EML3: variants seen among roughly 807,000 people sequenced by gnomAD.
The protein encoded by EML3 is EMAP like 3.
A neutral mutation model predicts 106.7 loss-of-function variants in EML3; 53 were observed. The observed-to-expected ratio is 0.50, with a 90% CI of 0.40 to 0.62. The LOEUF is 0.62. Ranked by LOEUF, EML3 falls within the 20% of genes least tolerant of loss-of-function variation. The probability of loss-of-function intolerance (pLI) is 0.00; values close to 1 mark genes in which losing one functional copy is unlikely to be tolerated. For missense variants in EML3, 994 were observed against 1,209.1 expected, an observed-to-expected ratio of 0.82 and a Z score of 2.64; for synonymous variants, 499 against 489.6, an observed-to-expected ratio of 1.02 and a Z score of -0.25.
chr11:62,611,374 GC>G, intron 2 of EML3, 30 bp from the exon 3 acceptor site: 1 of 1,613,496 alleles, frequency 6.2e-7, no homozygotes, highest in Non-Finnish European at 8.5e-7. Flanking sequence ...TTAACCTGAA[GC>G]CCCAGAGGCC....
At chr11:62,609,805 C>T in intron 4 of EML3, 109 bp from the exon 5 acceptor site, 1 of 953,088 alleles carries the variant, frequency 1.0e-6, no homozygotes, top group African/African-American at 1.7e-5. Flanking sequence ...GTCACTTCTG[C>T]AAGCCTGTAG....
chr11:62,611,106 G>C lies in EML3; in HGVS notation c.433C>G (p.Pro145Ala), dbSNP rs372926767. The C allele has an allele frequency of 6.3e-7, 1 of 1,597,030 alleles. No homozygotes were observed. Among genetic ancestry groups the C allele is most frequent in the Non-Finnish European group, 8.5e-7 (1 of 1,177,254 alleles). ...ACCTACGTGTCAGCACGCTGTGGGG[G>C]CTGCAAGGGCCTGAGGATCCCCGGG... The part of the protein sequence containing the change: ...GPPGILRPLQ[P>A]PQRADTPRRN... Residue 145 changes from proline (P) to alanine (A), a missense_variant, in exon 3 of 22, where the codon CCC (proline) becomes GCC (alanine). Transcript: ENST00000394773.
At position 62,605,223 on chromosome 11, in the gene EML3, G is replaced by T; in HGVS notation, c.1915-43C>A. ...GTGAATTCAAGATGATGTCTTTCTA[G>T]TGAGGGAACCAGAGTGAACCCCTTG... On this transcript the variant is annotated intron_variant, in intron 15 of 21. Transcript: ENST00000394773. This position sits in a 1 kb window ranked among gnomAD's most constrained non-coding sequence, Gnocchi z 5.2. 2 of 1,597,208 alleles carry T rather than the reference G, an allele frequency of 1.3e-6. No individual in the cohort carries two copies. The highest frequency in any genetic ancestry group is 1.7e-6 in the Non-Finnish European group (2 of 1,169,630).
rs1329884285 is a variant in EML3 at position 62,607,050 on chromosome 11, C to T, written c.1412G>A (p.Gly471Glu). ...FIPCFVFLPD[G>E]DILTGDSEGN... ...CTCTGAGTCTCCAGTGAGAATGTCT[C>T]CATCCGGAAGGAACACAAAGCAAGG... Residue 471 changes from glycine to glutamate, a missense_variant, in exon 12 of 22, where the codon GGA becomes GAA. Gly to Glu is a moderately conservative substitution (Grantham distance 98). Transcript: ENST00000394773. 1.9e-6 allele frequency: 3 copies of T among 1,614,142 alleles called. No individual in the cohort carries two copies. In the South Asian group the frequency reaches 3.3e-5, roughly 18 times the overall value.
Position 62,608,805 on chromosome 11 carries a change from G to T in EML3, c.930C>A (p.Cys310Ter). The T allele has an allele frequency of 6.4e-7, 1 of 1,570,610 alleles. No homozygotes were observed. Among genetic ancestry groups the T allele is most frequent in the Non-Finnish European group, 8.7e-7 (1 of 1,155,850 alleles). Residue 310 changes from cysteine to a stop codon, truncating the protein, a stop_gained and splice_region_variant, in exon 8 of 22, where the codon TGC becomes TGA. Coordinates refer to ENST00000394773, the MANE Select transcript of EML3 (RefSeq NM_153265.3). LOFTEE classifies it high-confidence loss of function. ...HYRGHTDCVR[C>*]LAVHPDGVRV... ...GAACACCATCAGGGTGAACAGCAAG[G>T]CTAAGGCAGGGGGAAGACACTCTAG...
chr11:62,607,933 G>A, intron 10 of EML3, 112 bp from the exon 11 acceptor site: 1 of 1,289,812 alleles, frequency 7.8e-7, no homozygotes, highest in African/African-American at 1.5e-5. Context: ...AGAAACCCCA[G>A]GACAACCCTT....
Position 62,605,465 on chromosome 11 carries a change from G to C in EML3, c.1914+177C>G. 1 of 939,006 alleles carries C rather than the reference G, an allele frequency of 1.1e-6. No individual in the cohort carries two copies. Among genetic ancestry groups the C allele is most frequent in the Non-Finnish European group, 1.5e-6 (1 of 649,344 alleles). The allele number at this position is 939,006 out of a possible 1,614,324, so 58.2% of individuals were successfully genotyped here. Reference sequence around the variant, plus strand: ...GGCAGGGAGTGCCCAGGTGGTACTAGAAGCATCAGCTTTTACCAGTCAGTA... The same window carrying C: ...GGCAGGGAGTGCCCAGGTGGTACTACAAGCATCAGCTTTTACCAGTCAGTA... On this transcript the variant is annotated intron_variant, in intron 15 of 21. Coordinates refer to ENST00000394773, the MANE Select transcript of EML3 (RefSeq NM_153265.3). The surrounding 1 kb of genome is among the most constrained non-coding windows in gnomAD (Gnocchi z 5.2).
rs1942479697 is a variant in EML3 at position 62,605,796 on chromosome 11, C to T, written c.1783-23G>A. 9 of 1,604,170 alleles carry T rather than the reference C, an allele frequency of 5.6e-6. No homozygotes were observed. Among genetic ancestry groups the T allele is most frequent in the Non-Finnish European group, 7.7e-6 (9 of 1,174,432 alleles). The stretch of plus-strand genomic sequence containing the variant: ...GCCCTGCAGCACAGCATGACTGTCA[C>T]TCCTGCCCCTCTCTCACACCCCTTT... On this transcript the variant is annotated intron_variant, in intron 14 of 21. Transcript: ENST00000394773. The surrounding 1 kb of genome is among the most constrained non-coding windows in gnomAD (Gnocchi z 5.2).
intron 1 of EML3, chr11:62,612,207 C>T (rs978610654): frequency 5.8e-6 from 3 of 521,528 alleles, no homozygotes; most frequent in Admixed American, 4.0e-5. Flanking sequence ...AGGGAAACAT[C>T]GAGGGGCCCG....
rs778741432 is a variant in EML3, at chr11:62,607,110, G to A, written c.1363-11C>T. The A allele has an allele frequency of 2.5e-6, 4 of 1,613,262 alleles. No individual in the cohort carries two copies. In the Admixed American group the frequency reaches 6.7e-5, roughly 27 times the overall value. On this transcript the variant is annotated splice_polypyrimidine_tract_variant and intron_variant, in intron 11 of 21. Transcript: ENST00000394773. ...GGGTTTCTTGTATTTCTAGTGGGAG[G>A]GGAGAGCAGACAGTAGAGGTCAAAG...
intron 9 of EML3, 109 bp downstream of exon 9, chr11:62,608,433 C>A: frequency 7.3e-7 from 1 of 1,364,230 alleles, no homozygotes; most frequent in Non-Finnish European, 1.0e-6. Context: ...TCAAGAGAAC[C>A]AGCTGGGTGG....
In EML3 at chr11:62,607,797, C is replaced by T. The variant is rs780295906; in HGVS notation, c.1231G>A (p.Val411Ile). The T allele has an allele frequency of 2.4e-5, 39 of 1,613,794 alleles. No individual in the cohort carries two copies. Among genetic ancestry groups the T allele is most frequent in the Admixed American group, 1.3e-4 (8 of 59,984 alleles). The change falls in exon 11 of 22, where the codon GTT (valine) becomes ATT (isoleucine). Residue 411 changes from valine to isoleucine, a missense_variant. Around this residue, in one of 3 missense-constraint regions of EML3, gnomAD observed 713 missense variants for 920.5 expected, o/e 0.77. Coordinates refer to ENST00000394773, the MANE Select transcript of EML3 (RefSeq NM_153265.3). ...IKSTNDSVLA[V>I]GFNPRDSSCI... ...CTGCTGTCACGAGGGTTGAAGCCAA[C>T]GGCCAGGACTGAGTCATTTGTACTC...
At position 62,607,770 on chromosome 11, in the gene EML3, AGCT is replaced by A; in HGVS notation, c.1255_1257del (p.Ser419del). ...TGAGATTTCCCACTGGTGACGATGCAGCTGCTGTCACGAGGGTTGAAGCCAACG... is the reference window on the plus strand; with the variant it reads ...TGAGATTTCCCACTGGTGACGATGCAGCTGTCACGAGGGTTGAAGCCAACG... On this transcript the variant is annotated inframe_deletion, in exon 11 of 22. Transcript: ENST00000394773. 2 of 1,614,088 alleles carry A rather than the reference AGCT, an allele frequency of 1.2e-6. No individual in the cohort carries two copies. Among genetic ancestry groups the A allele is most frequent in the Non-Finnish European group, 8.5e-7 (1 of 1,179,998 alleles).
chr11:62,603,684 C>T lies in EML3; in HGVS notation c.2257+45G>A, dbSNP rs769622135. On this transcript the variant is annotated intron_variant, in intron 19 of 21. Coordinates refer to ENST00000394773, the MANE Select transcript of EML3 (RefSeq NM_153265.3). ...CTAACAGCCCCCCCTACACAAAACC[C>T]ACTCCAATTACCCTCTCCCCATGTC... 1.9e-6 allele frequency: 3 copies of T among 1,561,434 alleles called. No individual in the cohort carries two copies. The Admixed American group carries it at 5.0e-5, about 26-fold the overall frequency.
At chr11:62,602,710 T>TG in intron 21 of EML3, 32 bp from the exon 22 acceptor site, 1 of 1,600,244 alleles carries the variant, frequency 6.2e-7, no homozygotes, top group Non-Finnish European at 8.5e-7. Context: ...CGGTGGCGGC[T>TG]GAGCCCTCGG....
intron 1 of EML3, chr11:62,612,043 C>A: frequency 2.6e-6 from 1 of 380,588 alleles, no homozygotes; most frequent in Non-Finnish European, 4.8e-6. Context: ...TGGAGTCATA[C>A]TGAGGACCCA....
chr11:62,612,547 C>A lies in EML3; in HGVS notation c.-90G>T, dbSNP rs1590766757. 1.6e-6 allele frequency: 2 copies of A among 1,266,200 alleles called. No individual in the cohort carries two copies. Among genetic ancestry groups the A allele is most frequent in the South Asian group, 2.2e-5 (1 of 46,486 alleles). The allele number at this position is 1,266,200 out of a possible 1,614,324, so 78.4% of individuals were successfully genotyped here. On this transcript the variant is annotated 5_prime_UTR_variant, in exon 1 of 22. Coordinates refer to ENST00000394773, the MANE Select transcript of EML3 (RefSeq NM_153265.3). Reference sequence around the variant, plus strand: ...CGGGGAGAGGGGAAGGGGAAGCACCCCGGGGCGCGCGCGAAGGGCGCCGTA... The same window carrying A: ...CGGGGAGAGGGGAAGGGGAAGCACCACGGGGCGCGCGCGAAGGGCGCCGTA...
rs771215796 is a variant in EML3, at chr11:62,607,037, A to G, written c.1425T>C (p.Thr475=). Residue 475 remains threonine, a synonymous_variant, in exon 12 of 22, where the codon ACT becomes ACC. Transcript: ENST00000394773. ...FVFLPDGDIL[T]GDSEGNILTW... is the part of the protein sequence containing the mutation. ...TGAGAATGTTCCCCTCTGAGTCTCC[A>G]GTGAGAATGTCTCCATCCGGAAGGA... 1.9e-6 allele frequency: 3 copies of G among 1,614,150 alleles called. No homozygotes were observed. The highest frequency in any genetic ancestry group is 1.7e-6 in the Non-Finnish European group (2 of 1,180,008).
chr11:62,609,175 C>G, intron 6 of EML3, 43 bp from the exon 7 acceptor site: 1 of 1,609,484 alleles, frequency 6.2e-7, no homozygotes, highest in South Asian at 1.1e-5. Flanking sequence ...AGATCAAGGG[C>G]AGGAGGAGGA....
Sources: gnomAD v4.1 joint callset for allele counts on GRCh38, gnomAD v4.1.1 for gene constraint, gnomAD v4.1.1 regional missense constraint, Gnocchi (gnomAD v3.1) non-coding constraint, MANE v1.5 for transcripts, NCBI Gene and HGNC (gene_info 2026-07-23, HGNC 2026-07-21) for gene names.